HCFC1: variants seen among roughly 807,000 people sequenced by gnomAD.
HCFC1 encodes host cell factor C1, also known as host cell factor 1.
In HCFC1, 7 loss-of-function variants were observed where a neutral mutation model predicts 105.5. That is an observed-to-expected ratio of 0.07 (90% CI 0.04 to 0.12). The LOEUF is 0.12. Ranked by LOEUF, HCFC1 falls within the 10% of genes least tolerant of loss-of-function variation. The probability of loss-of-function intolerance (pLI) is 1.00; values close to 1 mark genes in which losing one functional copy is unlikely to be tolerated. For missense variants in HCFC1, 1,065 were observed against 1,823.6 expected, an observed-to-expected ratio of 0.58 and a Z score of 7.58; for synonymous variants, 918 against 828.1, an observed-to-expected ratio of 1.11 and a Z score of -1.86.
Position 153,950,942 on chromosome X carries a change from T to C in HCFC1, c.5574A>G (p.Pro1858=). 1 of 1,211,181 alleles carries C rather than the reference T, an allele frequency of 8.3e-7. No homozygotes were observed. Among genetic ancestry groups the C allele is most frequent in the East Asian group, 3.0e-5 (1 of 33,871 alleles). Residue 1858 remains proline (P), a synonymous_variant, in exon 23 of 26, where the codon CCA becomes CCG. Coordinates refer to ENST00000310441, the MANE Select transcript of HCFC1 (RefSeq NM_005334.3). ...CAACACGAAACTTATAGGCTGTGCC[T>C]GGCTGCAGCTCCTGCTTCTTCAGCT... The part of the protein sequence containing the change: ...YNQLKKQELQ[P]GTAYKFRVAG...
At position 153,953,808 on chromosome X, in the gene HCFC1, C is replaced by A. The variant is rs1557113416; in HGVS notation, c.4334-38G>T. 3.5e-6 allele frequency: 4 copies of A among 1,151,332 alleles called. No homozygotes were observed. The African/African-American group carries it at 7.1e-5, about 20-fold the overall frequency. 94.9% of individuals were successfully genotyped at this position (1,151,332 alleles called of 1,213,427 possible). On this transcript the variant is annotated intron_variant, in intron 17 of 25. Transcript: ENST00000310441. ...CAGGCAGGCGGCTGCTCAGCAGGAG[C>A]CCCCCCGGCCTGTACTTGGCTTGAC... is the stretch of plus-strand genomic sequence containing the variant.
In HCFC1 at chrX:153,954,103, C is replaced by G. The variant is rs781804858; in HGVS notation, c.4296G>C (p.Thr1432=). ...CETHETGTTH[T]ATTVTSNMSS... is the part of the protein sequence containing the mutation. Reference sequence around the variant, plus strand: ...TCATGTTGGAAGTGACAGTGGTGGCCGTGTGAGTGGTGCCCGTCTCGTGGG... The same window carrying G: ...TCATGTTGGAAGTGACAGTGGTGGCGGTGTGAGTGGTGCCCGTCTCGTGGG... The change falls in exon 17 of 26, where the codon ACG becomes ACC. Residue 1432 remains threonine, a synonymous_variant. Transcript: ENST00000310441. 1 of 1,206,208 alleles carries G rather than the reference C, an allele frequency of 8.3e-7. No homozygotes were observed. Among genetic ancestry groups the G allele is most frequent in the Middle Eastern group, 2.3e-4 (1 of 4,273 alleles).
Position 153,952,702 on chromosome X carries a change from A to G in HCFC1, c.4754T>C (p.Leu1585Ser). The G allele has an allele frequency of 8.3e-7, 1 of 1,209,657 alleles. No individual in the cohort carries two copies. The highest frequency in any genetic ancestry group is 1.1e-6 in the Non-Finnish European group (1 of 894,412). The change falls in exon 19 of 26, where the codon TTA (leucine) becomes TCA (serine). Residue 1585 changes from leucine to serine, a missense_variant. Physicochemically the swap from Leu to Ser is moderately radical, Grantham distance 145. Transcript: ENST00000310441. ...GGCCATTAGCTCTTGGGGAAGTGATAACTGGTCTACTTCGGACTGTGTGGG... is the reference window on the plus strand; with the variant it reads ...GGCCATTAGCTCTTGGGGAAGTGATGACTGGTCTACTTCGGACTGTGTGGG... ...PPPTQSEVDQ[L>S]SLPQELMAEA...
intron 19 of HCFC1, 139 bp from the exon 20 acceptor site, chrX:153,952,297 AG>A: frequency 1.7e-5 from 17 of 1,023,448 alleles, no homozygotes; most frequent in Non-Finnish European, 2.2e-5. Context: ...GCCCTGGCCG[AG>A]GGGCCCTGCC....
intron 23 of HCFC1, 30 bp from the exon 24 acceptor site, chrX:153,950,573 G>C: frequency 8.9e-7 from 1 of 1,120,151 alleles, no homozygotes; most frequent in South Asian, 2.1e-5. Flanking sequence ...AAGGTCAACA[G>C]AACAGGCTAG....
intron 1 of HCFC1, among the ~76,000 whole-genome samples, chrX:153,964,959 G>A (rs946015654): frequency 2.7e-5 from 3 of 111,778 alleles, no homozygotes; most frequent in South Asian, 3.7e-4. Context: ...CTTAATGAGC[G>A]GGAAGTTACT....
intron 15 of HCFC1, 40 bp from the exon 16 acceptor site, chrX:153,956,451 T>A (rs1165177892): frequency 8.6e-7 from 1 of 1,161,865 alleles, no homozygotes; most frequent in Non-Finnish European, 1.2e-6. Context: ...AGGCTGCTGC[T>A]GTCTCCTTCC....
In HCFC1 at chrX:153,954,238, C is replaced by G; in HGVS notation, c.4161G>C (p.Val1387=). The change falls in exon 17 of 26, where the codon GTG becomes GTC. Residue 1387 remains valine, a synonymous_variant. Coordinates refer to ENST00000310441, the MANE Select transcript of HCFC1 (RefSeq NM_005334.3). ...LPDATSSHRT[V]ESGLEVAAAP... Reference sequence around the variant, plus strand: ...CCGCCGCCACCTCTAGGCCAGACTCCACGGTCCTGTGGGAAGAAGTGGCGT... The same window carrying G: ...CCGCCGCCACCTCTAGGCCAGACTCGACGGTCCTGTGGGAAGAAGTGGCGT... 8.3e-7 allele frequency: 1 copy of G among 1,208,979 alleles called. No individual in the cohort carries two copies. The highest frequency in any genetic ancestry group is 1.1e-6 in the Non-Finnish European group (1 of 894,026).
At position 153,953,629 on chromosome X, in the gene HCFC1, G is replaced by A. The variant is rs782407440; in HGVS notation, c.4475C>T (p.Pro1492Leu). The change falls in exon 18 of 26, where the codon CCG (proline) becomes CTG (leucine). Residue 1492 changes from proline (P) to leucine (L), a missense_variant. Physicochemically the swap from Pro to Leu is moderately conservative, Grantham distance 98. Transcript: ENST00000310441. ...RAVTTVTQSTPVPGPSVPPPE... is the reference protein window; with the variant it reads ...RAVTTVTQSTLVPGPSVPPPE... ...TACCGGCACAGAGGGGCCCGGGACC[G>A]GTGTGGACTGCGTCACGGTGGTCAC... The A allele has an allele frequency of 2.5e-6, 3 of 1,208,907 alleles. No homozygotes were observed. Among genetic ancestry groups the A allele is most frequent in the South Asian group, 1.8e-5 (1 of 56,800 alleles).
At chrX:153,953,036 T>C in intron 18 of HCFC1, 78 bp from the exon 19 acceptor site, 1 of 834,768 alleles carries the variant, frequency 1.2e-6, no homozygotes, top group Non-Finnish European at 1.8e-6. Flanking sequence ...TTGGCCGGGA[T>C]GGGGACTTCA....
Position 153,964,243 on chromosome X carries a change from G to C in HCFC1, c.384C>G (p.Pro128=). 1 of 1,201,336 alleles carries C rather than the reference G, an allele frequency of 8.3e-7. No homozygotes were observed. Among genetic ancestry groups the C allele is most frequent in the Non-Finnish European group, 1.1e-6 (1 of 889,348 alleles). The change falls in exon 3 of 26, where the codon CCC becomes CCG. Residue 128 remains proline, a synonymous_variant. Coordinates refer to ENST00000310441, the MANE Select transcript of HCFC1 (RefSeq NM_005334.3). ...WEWKRLKAKT[P]KNGPPPCPRL... is the part of the protein sequence containing the mutation. ...GAGGACACGGAGGGGGCCCGTTTTTGGGCGTCTTTGCTTTGAGTCTCTTCC... is the reference window on the plus strand; with the variant it reads ...GAGGACACGGAGGGGGCCCGTTTTTCGGCGTCTTTGCTTTGAGTCTCTTCC...
rs782658374 is a variant in HCFC1 at position 153,958,454 on chromosome X, C to T, written c.1803+115G>A. ...CTGCAGCTCTCACCTGAGGCCATGA[C>T]GCCCCTAATGGAGACAGCTTATTCT... is the stretch of plus-strand genomic sequence containing the variant. On this transcript the variant is annotated intron_variant, in intron 10 of 25. Transcript: ENST00000310441. 1.2e-4 allele frequency: 94 copies of T among 761,879 alleles called. No homozygotes were observed. The Middle Eastern group carries it at 3.2e-3, about 26-fold the overall frequency. 62.8% of individuals were successfully genotyped at this position (761,879 alleles called of 1,213,427 possible). A position where few individuals can be genotyped will look rare whatever the true frequency, so the allele number is the denominator to read the frequency against.
chrX:153,950,499 G>C lies in HCFC1; in HGVS notation c.5748C>G (p.Thr1916=). The C allele has an allele frequency of 8.5e-7, 1 of 1,181,686 alleles. No homozygotes were observed. Among genetic ancestry groups the C allele is most frequent in the Non-Finnish European group, 1.1e-6 (1 of 878,615 alleles). The change falls in exon 24 of 26, where the codon ACC becomes ACG. Residue 1916 remains threonine (T), a synonymous_variant. Coordinates refer to ENST00000310441, the MANE Select transcript of HCFC1 (RefSeq NM_005334.3). ...AHLTWEPPSV[T]SGKIIEYSVY... ...CGGAGTACTCGATAATCTTGCCGGA[G>C]GTCACAGAGGGTGGCTCCCAGGTGA...
At chrX:153,963,005 C>T (rs1603297915) in intron 4 of HCFC1, among the ~76,000 whole-genome samples, 2 of 112,341 alleles carry the variant, frequency 1.8e-5, no homozygotes, top group East Asian at 5.6e-4. Context: ...CAGACCAATT[C>T]AGCCCACTCA....
chrX:153,949,464 T>A (rs1057284593), intron 25 of HCFC1, 78 bp from the exon 26 acceptor site: 39 of 1,133,207 alleles, frequency 3.4e-5, no homozygotes, highest in Non-Finnish European at 4.5e-5. Context: ...CAGGGCCGGT[T>A]AGGGGCCCCC....
chrX:153,964,944 G>A (rs1280592431), intron 1 of HCFC1, among the ~76,000 whole-genome samples: 2 of 111,971 alleles, frequency 1.8e-5, no homozygotes, highest in African/African-American at 3.3e-5. Context: ...TCTCGCCAAG[G>A]TCATCTTAAT....
intron 1 of HCFC1, chrX:153,969,738 G>A (rs782282682): frequency 8.8e-6 from 1 of 113,552 alleles, no homozygotes; most frequent in African/African-American, 3.2e-5. Context: ...CATACCTGAA[G>A]AGAGAGGTTC....
Position 153,954,490 on chromosome X carries a change from G to A in HCFC1, c.3909C>T (p.Asn1303=), listed in dbSNP as rs782241440. 8.3e-7 allele frequency: 1 copy of A among 1,212,013 alleles called. No individual in the cohort carries two copies. The highest frequency in any genetic ancestry group is 3.0e-5 in the East Asian group (1 of 33,826). Residue 1303 remains asparagine, a synonymous_variant, in exon 17 of 26, where the codon AAC becomes AAT. Transcript: ENST00000310441. ...TGCCTGCATTCGAGGTAGTGGCGGT[G>A]TTGGTGGTGCCTGTCTCGTGGGTCT... The part of the protein sequence containing the change: ...PCETHETGTT[N]TATTSNAGSA...
At chrX:153,956,089 C>G in intron 16 of HCFC1, 102 bp downstream of exon 16, 1 of 785,537 alleles carries the variant, frequency 1.3e-6, no homozygotes, top group South Asian at 2.4e-5. Flanking sequence ...GGCAGCAGCG[C>G]AACACCAGGA....
Sources: allele counts gnomAD v4.1 joint callset (sites outside exome capture counted in the v4.1 genomes callset), GRCh38; gene constraint gnomAD v4.1.1; transcripts MANE v1.5; gene names NCBI Gene and HGNC (gene_info 2026-07-23, HGNC 2026-07-21).